Variants in DLGAP2 observed in about 807,000 individuals in gnomAD.
The protein encoded by DLGAP2 is disks large-associated protein 2.
DLGAP2 carries 26 observed loss-of-function variants against 100.3 expected under a neutral mutation model. The observed-to-expected ratio is 0.26, with a 90% CI of 0.19 to 0.36. DLGAP2 has a LOEUF of 0.36. DLGAP2 is among the 10% of genes least tolerant of loss of function. DLGAP2 has a pLI of 1.00. For missense variants in DLGAP2, 1,858 were observed against 1,453.2 expected (o/e 1.28, Z -4.53); for synonymous variants, 886 against 630.1 (o/e 1.41, Z -6.08).
intron 2 of DLGAP2, among the ~76,000 whole-genome samples, chr8:1,039,100 A>G (rs1802218070): frequency 6.6e-6 from 1 of 152,076 alleles, no homozygotes; most frequent in Admixed American, 6.5e-5. Flanking sequence ...ATTGGAGCAA[A>G]CTCACCTGGT....
At chr8:767,261 G>C (rs754918099) in intron 1 of DLGAP2, among the ~76,000 whole-genome samples, 4 of 151,900 alleles carry the variant, frequency 2.6e-5, no homozygotes, top group Non-Finnish European at 5.9e-5. Flanking sequence ...CACCAGCCTG[G>C]TGAGCCACAG....
chr8:950,714 C>G (rs35764393), intron 2 of DLGAP2, among the ~76,000 whole-genome samples: 1 of 150,472 alleles, frequency 6.6e-6, no homozygotes, highest in Admixed American at 6.6e-5. Context: ...CTCCGCCTCT[C>G]GGGTTCAAGC....
intron 2 of DLGAP2, among the ~76,000 whole-genome samples, chr8:969,508 C>T (rs1799962302): frequency 6.6e-6 from 1 of 150,952 alleles, no homozygotes; most frequent in Non-Finnish European, 1.5e-5. Flanking sequence ...CAAGAACCAA[C>T]TGTTAAGTTT....
intron 4 of DLGAP2, among the ~76,000 whole-genome samples, chr8:1,539,443 C>T (rs1049030306): frequency 2.0e-5 from 3 of 152,292 alleles, no homozygotes; most frequent in Non-Finnish European, 2.9e-5. Flanking sequence ...GCTCTAATCT[C>T]GGTGCACTGG....
At chr8:1,533,116 G>A (rs920239582) in intron 4 of DLGAP2, among the ~76,000 whole-genome samples, 2 of 142,032 alleles carry the variant, frequency 1.4e-5, no homozygotes, top group African/African-American at 5.3e-5. Context: ...ATGTGCAGTT[G>A]TTAGTCACTG....
At chr8:1,276,047 TATATA>T (rs1467180940) in intron 3 of DLGAP2, among the ~76,000 whole-genome samples, 7 of 138,032 alleles carry the variant, frequency 5.1e-5, no homozygotes, top group African/African-American at 1.9e-4. Context: ...CGTATAAAAA[TATATA>T]ATATATAAAA....
intron 4 of DLGAP2, among the ~76,000 whole-genome samples, chr8:1,508,893 T>C (rs1359047487): frequency 2.6e-5 from 4 of 152,168 alleles, no homozygotes; most frequent in African/African-American, 9.6e-5. Context: ...GGATCTAATA[T>C]TGCCACATTC....
chr8:829,105 C>T (rs550495285), intron 1 of DLGAP2, among the ~76,000 whole-genome samples: 2 of 152,182 alleles, frequency 1.3e-5, no homozygotes, highest in Non-Finnish European at 2.9e-5. Context: ...GAGGCTAAAC[C>T]AGGAGAAATC....
At chr8:1,636,357 A>G (rs185876056) in intron 8 of DLGAP2, among the ~76,000 whole-genome samples, 10 of 152,308 alleles carry the variant, frequency 6.6e-5, no homozygotes, top group Non-Finnish European at 1.2e-4. Context: ...ACAGCCACAG[A>G]CTTATTTTAT....
chr8:768,879 A>G (rs1821284761), intron 1 of DLGAP2, among the ~76,000 whole-genome samples: 1 of 152,184 alleles, frequency 6.6e-6, no homozygotes, highest in African/African-American at 2.4e-5. Context: ...GTCTGGGGTC[A>G]GGAGAACGCA....
intron 1 of DLGAP2, among the ~76,000 whole-genome samples, chr8:888,782 G>T (rs1797975237): frequency 6.6e-6 from 1 of 152,040 alleles, no homozygotes; most frequent in Admixed American, 6.5e-5. Flanking sequence ...ACCTTGAGGG[G>T]CACCAACCTG....
At chr8:905,686 G>T (rs1255403451) in intron 1 of DLGAP2, among the ~76,000 whole-genome samples, 2 of 152,148 alleles carry the variant, frequency 1.3e-5, no homozygotes, top group African/African-American at 2.4e-5. Context: ...TCAGAATCCA[G>T]GGTTTGGAGG....
intron 6 of DLGAP2, among the ~76,000 whole-genome samples, chr8:1,572,215 C>T (rs1250739279): frequency 3.6e-4 from 30 of 84,292 alleles, no homozygotes; most frequent in Admixed American, 1.3e-3. Context: ...ACTGTGGGGG[C>T]ATCTGATGAG....
At chr8:1,171,606 C>G (rs1797130043) in intron 2 of DLGAP2, among the ~76,000 whole-genome samples, 1 of 152,184 alleles carries the variant, frequency 6.6e-6, no homozygotes, top group Non-Finnish European at 1.5e-5. Flanking sequence ...CTTAGCTCTT[C>G]TTGTTGAATT....
intron 2 of DLGAP2, among the ~76,000 whole-genome samples, chr8:1,205,380 C>T (rs1386113586): frequency 6.6e-6 from 1 of 151,130 alleles, no homozygotes; most frequent in Non-Finnish European, 1.5e-5. Context: ...AGTGCAGGCT[C>T]TTCCTGAAAA....
intron 4 of DLGAP2, among the ~76,000 whole-genome samples, chr8:1,534,653 A>T (rs1219586442): frequency 1.3e-5 from 2 of 152,098 alleles, no homozygotes; most frequent in African/African-American, 4.8e-5. Flanking sequence ...GATTTTTTTT[A>T]AAGATGTTTC....
intron 1 of DLGAP2, among the ~76,000 whole-genome samples, chr8:819,572 A>G (rs942359814): frequency 2.6e-5 from 4 of 152,258 alleles, no homozygotes; most frequent in Non-Finnish European, 5.9e-5. Context: ...TAAAGACTAT[A>G]CAAAATCCAT....
chr8:1,143,049 C>T (rs1017611363), intron 2 of DLGAP2, among the ~76,000 whole-genome samples: 2 of 152,178 alleles, frequency 1.3e-5, no homozygotes, highest in Non-Finnish European at 2.9e-5. Context: ...TCTGCAGGGG[C>T]CTCAGGGTGT....
intron 3 of DLGAP2, among the ~76,000 whole-genome samples, chr8:1,490,022 G>A (rs1799334784): frequency 6.6e-6 from 1 of 152,090 alleles, no homozygotes; most frequent in African/African-American, 2.4e-5. Context: ...CTCCCGAGTA[G>A]CTGGGATTAC....
Sources: gnomAD v4.1 joint callset for allele counts (sites outside exome capture counted in the v4.1 genomes callset) on GRCh38, gnomAD v4.1.1 for gene constraint, MANE v1.5 for transcripts, NCBI Gene and HGNC (gene_info 2026-07-23, HGNC 2026-07-21) for gene names.